DCSTAMP: variants seen among roughly 807,000 people sequenced by gnomAD.
DCSTAMP encodes the protein dendritic cell-specific transmembrane protein.
Under a neutral mutation model 33.8 loss-of-function variants are expected in DCSTAMP, and 25 were observed. The observed-to-expected ratio is 0.74, with a 90% CI of 0.54 to 1.03. DCSTAMP has a LOEUF of 1.03. Among genes scored for constraint, DCSTAMP ranks in the 50% least tolerant of loss-of-function variants. The pLI, the probability that DCSTAMP is intolerant of heterozygous loss-of-function variation, is 0.00. For synonymous variants in DCSTAMP, 245 were observed against 216.7 expected, an observed-to-expected ratio of 1.13 and a Z score of -1.15; for missense variants, 531 against 556.8, an observed-to-expected ratio of 0.95 and a Z score of 0.47.
chr8:104,349,407 G>A lies in DCSTAMP; in HGVS notation c.855G>A (p.Pro285=), dbSNP rs553927963. 3.3e-5 allele frequency: 54 copies of A among 1,614,130 alleles called. No homozygotes were observed. Among genetic ancestry groups the A allele is most frequent in the South Asian group, 2.6e-4 (24 of 91,070 alleles). The change falls in exon 2 of 4, where the codon CCG becomes CCA. Residue 285 remains proline, a synonymous_variant. Transcript: ENST00000297581. ...RKYVIIPTFW[P]TPKERKNLGL... ...ATGTCATCATCCCGACTTTCTGGCCGACTCCTAAAGAAAGGAAAAACCTGG... is the reference window on the plus strand; with the variant it reads ...ATGTCATCATCCCGACTTTCTGGCCAACTCCTAAAGAAAGGAAAAACCTGG...
At position 104,354,978 on chromosome 8, in the gene DCSTAMP, G is replaced by A. The variant is rs763186660; in HGVS notation, c.1131G>A (p.Trp377Ter). 6.2e-7 allele frequency: 1 copy of A among 1,613,656 alleles called. No individual in the cohort carries two copies. Among genetic ancestry groups the A allele is most frequent in the South Asian group, 1.1e-5 (1 of 91,068 alleles). Reference sequence around the variant, plus strand: ...CAAAATTCCTTCTATCTGAGACCTGGGTTCCTCTCAGTGTTATTCTTTTGA... The same window carrying A: ...CAAAATTCCTTCTATCTGAGACCTGAGTTCCTCTCAGTGTTATTCTTTTGA... ...PKPKFLLSETWVPLSVILLIL... is the reference protein window; with the variant it reads ...PKPKFLLSET The change falls in exon 3 of 4, where the codon TGG becomes TGA. Residue 377 changes from tryptophan to a stop codon, truncating the protein, a stop_gained. Transcript: ENST00000297581. LOFTEE classifies it high-confidence loss of function.
chr8:104,353,423 A>G (rs760554771), intron 2 of DCSTAMP, among the ~76,000 whole-genome samples: 1 of 152,220 alleles, frequency 6.6e-6, no homozygotes, highest in Non-Finnish European at 1.5e-5. Flanking sequence ...TTAAATTTCT[A>G]GACAAAATAA....
intron 2 of DCSTAMP, 79 bp downstream of exon 2, chr8:104,349,660 G>C (rs1268578136): frequency 6.7e-7 from 1 of 1,498,248 alleles, no homozygotes; most frequent in Non-Finnish European, 9.0e-7. Flanking sequence ...AACCTCCCGA[G>C]GCAGGGCAGT....
chr8:104,349,656 C>T, intron 2 of DCSTAMP, 75 bp downstream of exon 2: 1 of 1,509,554 alleles, frequency 6.6e-7, no homozygotes, highest in Non-Finnish European at 8.9e-7. Context: ...CATGAACCTC[C>T]CGAGGCAGGG....
chr8:104,347,068 C>T (rs1810333657), intron 1 of DCSTAMP, among the ~76,000 whole-genome samples: 1 of 151,960 alleles, frequency 6.6e-6, no homozygotes, highest in Non-Finnish European at 1.5e-5. Context: ...TCATGTCAAT[C>T]AGGAGAGAAT....
rs778032521 is a variant in DCSTAMP at position 104,349,392 on chromosome 8, C to T, written c.840C>T (p.Ile280=). 1.2e-6 allele frequency: 2 copies of T among 1,614,204 alleles called. No individual in the cohort carries two copies. Among genetic ancestry groups the T allele is most frequent in the Non-Finnish European group, 1.7e-6 (2 of 1,180,036 alleles). Residue 280 remains isoleucine, a synonymous_variant, in exon 2 of 4, where the codon ATC becomes ATT. Transcript: ENST00000297581. ...NKEERRKYVI[I]PTFWPTPKER... is the part of the protein sequence containing the mutation. ...AGGAAAGGAGGAAGTATGTCATCAT[C>T]CCGACTTTCTGGCCGACTCCTAAAG...
At position 104,348,888 on chromosome 8, in the gene DCSTAMP, A is replaced by C. The variant is rs376823624; in HGVS notation, c.336A>C (p.Glu112Asp). The C allele has an allele frequency of 6.2e-7, 1 of 1,614,116 alleles. No individual in the cohort carries two copies. Among genetic ancestry groups the C allele is most frequent in the African/African-American group, 1.3e-5 (1 of 74,938 alleles). Reference protein sequence around the residue: ...GTGIVILGHVENIFHNFKGLL... With the variant: ...GTGIVILGHVDNIFHNFKGLL... Reference sequence around the variant, plus strand: ...GGATCGTCATCTTGGGACACGTAGAAAATATTTTTCACAACTTTAAAGGTC... The same window carrying C: ...GGATCGTCATCTTGGGACACGTAGACAATATTTTTCACAACTTTAAAGGTC... The change falls in exon 2 of 4, where the codon GAA (glutamate) becomes GAC (aspartate). Residue 112 changes from glutamate (E) to aspartate (D), a missense_variant. Coordinates refer to ENST00000297581, the MANE Select transcript of DCSTAMP (RefSeq NM_030788.4).
intron 3 of DCSTAMP, 92 bp from the exon 4 acceptor site, chr8:104,356,032 C>A: frequency 1.7e-6 from 2 of 1,175,326 alleles, no homozygotes; most frequent in Non-Finnish European, 1.2e-6. Context: ...TTTTTCCCAA[C>A]ATCTTTAACC....
At position 104,349,268 on chromosome 8, in the gene DCSTAMP, G is replaced by A; in HGVS notation, c.716G>A (p.Gly239Asp). The change falls in exon 2 of 4, where the codon GGT becomes GAT. Residue 239 changes from glycine to aspartate, a missense_variant. Coordinates refer to ENST00000297581, the MANE Select transcript of DCSTAMP (RefSeq NM_030788.4). The stretch of plus-strand genomic sequence containing the variant: ...ATGAAGCGATTTTTGGGCCCTTGTG[G>A]TTGGAAGTATGAAAACATCTACATC... The part of the protein sequence containing the change: ...LFMKRFLGPC[G>D]WKYENIYITR... 1 of 1,614,178 alleles carries A rather than the reference G, an allele frequency of 6.2e-7. No homozygotes were observed. The highest frequency in any genetic ancestry group is 8.5e-7 in the Non-Finnish European group (1 of 1,180,050).
chr8:104,356,312 G>A lies in DCSTAMP; in HGVS notation c.*114G>A, dbSNP rs185869734. On this transcript the variant is annotated 3_prime_UTR_variant, in exon 4 of 4. Coordinates refer to ENST00000297581, the MANE Select transcript of DCSTAMP (RefSeq NM_030788.4). Reference sequence around the variant, plus strand: ...ACTATGTGACGCAGTCCTCTCAGGAGTCTGAGTTTACAGAGCCAACTTGCA... The same window carrying A: ...ACTATGTGACGCAGTCCTCTCAGGAATCTGAGTTTACAGAGCCAACTTGCA... 2,020 of 1,061,850 alleles carry A rather than the reference G, an allele frequency of 1.9e-3. 9 individuals are homozygous for A. Among genetic ancestry groups the A allele is most frequent in the Non-Finnish European group, 1.6e-3 (1,219 of 783,410 alleles). The allele number at this position is 1,061,850 out of a possible 1,614,324, so 65.8% of individuals were successfully genotyped here.
At position 104,355,195 on chromosome 8, in the gene DCSTAMP, A is replaced by T. The variant is rs1402910659; in HGVS notation, c.1338+10A>T. The T allele has an allele frequency of 1.2e-6, 2 of 1,601,550 alleles. No individual in the cohort carries two copies. ...TCTCTATCTTACAAAGGTAAGGCCAAGATGGTGGTGTAACCTCCAATTGAG... is the reference window on the plus strand; with the variant it reads ...TCTCTATCTTACAAAGGTAAGGCCATGATGGTGGTGTAACCTCCAATTGAG... On this transcript the variant is annotated intron_variant, in intron 3 of 3. Transcript: ENST00000297581.
intron 2 of DCSTAMP, among the ~76,000 whole-genome samples, chr8:104,350,104 C>G (rs1810421050): frequency 6.6e-6 from 1 of 152,164 alleles, no homozygotes; most frequent in Admixed American, 6.5e-5. Flanking sequence ...GGTAATTTCT[C>G]TATCTCAAGA....
intron 3 of DCSTAMP, 33 bp downstream of exon 3, chr8:104,355,218 G>C: frequency 6.3e-7 from 1 of 1,576,712 alleles, no homozygotes; most frequent in Admixed American, 1.9e-5. Context: ...ACCTCCAATT[G>C]AGGAAGTGTT....
chr8:104,353,077 C>T (rs1308241281), intron 2 of DCSTAMP, among the ~76,000 whole-genome samples: 3 of 152,096 alleles, frequency 2.0e-5, no homozygotes, highest in Non-Finnish European at 4.4e-5. Context: ...GGGAAATGAC[C>T]CAGGTAGAGC....
intron 2 of DCSTAMP, among the ~76,000 whole-genome samples, chr8:104,349,860 G>C (rs1236555000): frequency 6.6e-6 from 1 of 152,196 alleles, no homozygotes; most frequent in Non-Finnish European, 1.5e-5. Flanking sequence ...TTCTTGGATA[G>C]TTCTGGGGGG....
rs189358980 is a variant in DCSTAMP at position 104,344,193 on chromosome 8, C to G, written c.-13+4331C>G. On this transcript the variant is annotated intron_variant, in intron 1 of 3. Transcript: ENST00000297581. ...CCAGGGAGGTGTCAATCAAAATAAT[C>G]TGGACTTGTGCTATCCAATACATAG... Among the ~76,000 whole-genome samples, 48 of 152,164 alleles carry G rather than the reference C, an allele frequency of 3.2e-4. 1 individual carries two copies. Among genetic ancestry groups the G allele is most frequent in the African/African-American group, 1.0e-3 (43 of 41,530 alleles).
At position 104,356,486 on chromosome 8, in the gene DCSTAMP, T is replaced by C. The variant is rs28607252; in HGVS notation, c.*288T>C. On this transcript the variant is annotated 3_prime_UTR_variant, in exon 4 of 4. Coordinates refer to ENST00000297581, the MANE Select transcript of DCSTAMP (RefSeq NM_030788.4). ...GGTCCCCTGGTGATGAGTTTCAGCA[T>C]AGAATAATGTTCAAGGAAAAGAAAA... The C allele has an allele frequency of 0.011, 2,571 of 223,626 alleles. 68 individuals are homozygous for C. The highest frequency in any genetic ancestry group is 0.053 in the African/African-American group (2,315 of 43,892). 13.9% of individuals were successfully genotyped at this position (223,626 alleles called of 1,614,324 possible).
At position 104,346,106 on chromosome 8, in the gene DCSTAMP, C is replaced by T. The variant is rs1324081164; in HGVS notation, c.-12-2435C>T. On this transcript the variant is annotated intron_variant, in intron 1 of 3. Transcript: ENST00000297581. ...CCACTGTGTGATTGCTGACAAATTC[C>T]GGCAAGCACTCAGAGCCTCAGTTTC... Among the ~76,000 whole-genome samples the T allele has an allele frequency of 4.6e-5, 7 of 152,332 alleles. No individual in the cohort carries two copies. In the East Asian group the frequency reaches 9.6e-4, roughly 21 times the overall value.
At position 104,348,805 on chromosome 8, in the gene DCSTAMP, G is replaced by T; in HGVS notation, c.253G>T (p.Val85Phe). The T allele has an allele frequency of 3.1e-6, 5 of 1,614,122 alleles. No homozygotes were observed. Among genetic ancestry groups the T allele is most frequent in the Non-Finnish European group, 4.2e-6 (5 of 1,180,034 alleles). ...SKHARCFILL[V>F]FLSCGLREGR... is the part of the protein sequence containing the mutation. ...GCATGCACGATGTTTTATTCTTCTT[G>T]TCTTTCTCTCTTGTGGCCTGCGTGA... The change falls in exon 2 of 4, where the codon GTC (valine) becomes TTC (phenylalanine). Residue 85 changes from valine to phenylalanine, a missense_variant. By Grantham distance (50) the Val-to-Phe change is conservative. Transcript: ENST00000297581.
Sources: allele counts gnomAD v4.1 joint callset (sites outside exome capture counted in the v4.1 genomes callset), GRCh38; gene constraint gnomAD v4.1.1; transcripts MANE v1.5; gene names NCBI Gene and HGNC (gene_info 2026-07-23, HGNC 2026-07-21).